Variants in NFATC2 observed in about 807,000 individuals in gnomAD.
NFATC2 encodes the protein nuclear factor of activated T-cells, cytoplasmic 2.
In NFATC2, 22 loss-of-function variants were observed where a neutral mutation model predicts 87.3. That is an observed-to-expected ratio of 0.25 (90% CI 0.18 to 0.36). NFATC2 has a LOEUF of 0.36. Ranked by LOEUF, NFATC2 falls within the 10% of genes least tolerant of loss-of-function variation. The pLI is 1.00. For synonymous variants in NFATC2, 565 were observed against 542.2 expected (o/e 1.04, Z -0.58); for missense variants, 1,149 against 1,259.1 (o/e 0.91, Z 1.32).
At chr20:51,476,113 C>G (rs1437843491) in intron 3 of NFATC2, among the ~76,000 whole-genome samples, 1 of 146,218 alleles carries the variant, frequency 6.8e-6, no homozygotes, top group African/African-American at 2.5e-5. Context: ...TTTTAGGGTA[C>G]ATGTGCACAA....
At position 51,387,299 on chromosome 20, in the gene NFATC2, G is replaced by A. The variant is rs914475319; in HGVS notation, c.*4197C>T. On this transcript the variant is annotated 3_prime_UTR_variant, in exon 11 of 11. Transcript: ENST00000371564. ...GCTCAGGCCAATCAGAATGCTGTGA[G>A]CACCTGCTCTAATGGAAACAACATC... 3 of 152,186 alleles carry A rather than the reference G, an allele frequency of 2.0e-5. No individual in the cohort carries two copies. Among genetic ancestry groups the A allele is most frequent in the African/African-American group, 7.2e-5 (3 of 41,432 alleles). The allele number at this position is 152,186 out of a possible 1,614,324, so 9.4% of individuals were successfully genotyped here.
intron 10 of NFATC2, among the ~76,000 whole-genome samples, chr20:51,394,067 C>T (rs1042906091): frequency 6.6e-6 from 1 of 152,138 alleles, no homozygotes; most frequent in African/African-American, 2.4e-5. Context: ...GCACTTAGAC[C>T]TTCTTGCTAT....
chr20:51,409,621 G>A (rs1026535313), intron 9 of NFATC2, among the ~76,000 whole-genome samples: 7 of 152,174 alleles, frequency 4.6e-5, no homozygotes, highest in African/African-American at 7.2e-5. Flanking sequence ...ACGCCACACC[G>A]ATGGGACAGT....
chr20:51,467,427 G>C (rs1987797794), intron 5 of NFATC2, among the ~76,000 whole-genome samples: 2 of 151,958 alleles, frequency 1.3e-5, no homozygotes, highest in Admixed American at 6.6e-5. Flanking sequence ...CATGGTGGTG[G>C]GCGCCTGTAA....
intron 1 of NFATC2, among the ~76,000 whole-genome samples, chr20:51,533,086 A>G (rs996129975): frequency 6.6e-6 from 1 of 152,240 alleles, no homozygotes; most frequent in Non-Finnish European, 1.5e-5. Context: ...TTAGGATGCC[A>G]CAGCTGGCAC....
At position 51,386,989 on chromosome 20, in the gene NFATC2, C is replaced by T. The variant is rs1985834528; in HGVS notation, c.*4507G>A. On this transcript the variant is annotated 3_prime_UTR_variant, in exon 11 of 11. Coordinates refer to ENST00000371564, the MANE Select transcript of NFATC2 (RefSeq NM_012340.5). ...TGCTTCCAACTGTTTTATTGCTAAACTATCATGATACAAGCCGTATAAAAA... is the reference window on the plus strand; with the variant it reads ...TGCTTCCAACTGTTTTATTGCTAAATTATCATGATACAAGCCGTATAAAAA... 6.6e-6 allele frequency: 1 copy of T among 152,120 alleles called. No individual in the cohort carries two copies. The highest frequency in any genetic ancestry group is 2.4e-5 in the African/African-American group (1 of 41,406). The allele number at this position is 152,120 out of a possible 1,614,324, so 9.4% of individuals were successfully genotyped here.
intron 10 of NFATC2, among the ~76,000 whole-genome samples, chr20:51,392,772 C>G (rs985665164): frequency 6.6e-6 from 1 of 152,148 alleles, no homozygotes; most frequent in Non-Finnish European, 1.5e-5. Context: ...TCAGAGTTGC[C>G]CGAAGTTTCT....
chr20:51,507,245 AC>A (rs2076199250), intron 3 of NFATC2, among the ~76,000 whole-genome samples: 1 of 152,042 alleles, frequency 6.6e-6, no homozygotes, highest in South Asian at 2.1e-4. Flanking sequence ...TGTGCCTCTC[AC>A]CCCTCGTCGA....
chr20:51,540,663 T>TTTTTTTTTTTTTTTTTTTTGTTTG (rs1555818354), intron 1 of NFATC2, among the ~76,000 whole-genome samples: 2 of 135,690 alleles, frequency 1.5e-5, no homozygotes, highest in African/African-American at 5.7e-5. Context: ...TTTTTGTTTT[T>TTTTTTTTTTTTTTTTTTTTGTTTG]TTTTTTTTGA....
At chr20:51,434,780 T>C (rs6013185) in intron 8 of NFATC2, among the ~76,000 whole-genome samples, 6,252 of 152,244 alleles carry the variant, frequency 0.041, 459 homozygotes, top group African/African-American at 0.14. Flanking sequence ...CATGGGGTGA[T>C]GACTCACATG....
At chr20:51,531,333 C>T (rs1260002769) in intron 1 of NFATC2, among the ~76,000 whole-genome samples, 7 of 152,240 alleles carry the variant, frequency 4.6e-5, no homozygotes, top group Admixed American at 1.3e-4. Flanking sequence ...TCACTCTCAG[C>T]CCTGGCAGGT....
intron 10 of NFATC2, among the ~76,000 whole-genome samples, chr20:51,393,779 G>A (rs541875308): frequency 3.9e-5 from 6 of 152,330 alleles, no homozygotes; most frequent in African/African-American, 1.4e-4. Flanking sequence ...GAAGTGAGAG[G>A]AGGGGATCCT....
At position 51,442,169 on chromosome 20, in the gene NFATC2, C is replaced by T. The variant is rs146010326; in HGVS notation, c.1850-6408G>A. Among the ~76,000 whole-genome samples, 1,129 of 152,184 alleles carry T rather than the reference C, an allele frequency of 7.4e-3. 11 individuals carry two copies. Among genetic ancestry groups the T allele is most frequent in the African/African-American group, 0.025 (1,030 of 41,488 alleles). On this transcript the variant is annotated intron_variant, in intron 6 of 10. Transcript: ENST00000371564. ...AGATTTTGCTGGGCACGGTGGCTCA[C>T]GCCTGTAATCCCAGCACTTTGGGAA...
intron 6 of NFATC2, 92 bp downstream of exon 6, chr20:51,454,456 C>T: frequency 7.1e-7 from 1 of 1,415,368 alleles, no homozygotes; most frequent in Non-Finnish European, 9.7e-7. Context: ...ACGGTGGGAT[C>T]TACCCCCCAA....
Position 51,499,741 on chromosome 20 carries a change from T to TA in NFATC2, c.1332+17042dup, listed in dbSNP as rs538460642. Among the ~76,000 whole-genome samples, 651 of 137,768 alleles carry TA rather than the reference T, an allele frequency of 4.7e-3. 1 individual carries two copies. Among genetic ancestry groups the TA allele is most frequent in the African/African-American group, 0.012 (453 of 37,378 alleles). 90.4% of individuals were successfully genotyped at this position (137,768 alleles called of 152,430 possible). ...TGGATGACAGAGCAAGACTCCATCT[T>TA]AAAAAAAAAAAAAGAAAGAAAGAAA... is the stretch of plus-strand genomic sequence containing the variant. On this transcript the variant is annotated intron_variant, in intron 3 of 10. Coordinates refer to ENST00000371564, the MANE Select transcript of NFATC2 (RefSeq NM_012340.5).
intron 1 of NFATC2, among the ~76,000 whole-genome samples, chr20:51,534,977 C>T (rs578008794): frequency 1.3e-5 from 2 of 152,288 alleles, no homozygotes; most frequent in African/African-American, 4.8e-5. Flanking sequence ...CTGTCAAATC[C>T]ACCACAATTT....
At chr20:51,464,284 G>A (rs116067549) in intron 5 of NFATC2, among the ~76,000 whole-genome samples, 8 of 152,366 alleles carry the variant, frequency 5.3e-5, no homozygotes, top group South Asian at 4.1e-4. Context: ...GTGGGATCAC[G>A]TCTGGCACTT....
At chr20:51,409,024 G>A (rs371430960) in intron 9 of NFATC2, among the ~76,000 whole-genome samples, 7 of 152,148 alleles carry the variant, frequency 4.6e-5, no homozygotes, top group Non-Finnish European at 7.4e-5. Flanking sequence ...TCTGTTCACC[G>A]AAAGACATCA....
chr20:51,501,802 C>T (rs913927541), intron 3 of NFATC2, among the ~76,000 whole-genome samples: 1 of 152,220 alleles, frequency 6.6e-6, no homozygotes, highest in Non-Finnish European at 1.5e-5. Flanking sequence ...ATTACTCTAT[C>T]TCCATCTCCA....
Sources: allele counts gnomAD v4.1 joint callset (sites outside exome capture counted in the v4.1 genomes callset), GRCh38; gene constraint gnomAD v4.1.1; transcripts MANE v1.5; gene names NCBI Gene and HGNC (gene_info 2026-07-23, HGNC 2026-07-21).